Variants in TRAF3IP1 observed in about 807,000 individuals in gnomAD.
TRAF3IP1 encodes the protein intraflagellar transport 54.
A neutral mutation model predicts 89.9 loss-of-function variants in TRAF3IP1; 53 were observed. That is an observed-to-expected ratio of 0.59 (90% CI 0.47 to 0.74). The LOEUF (loss-of-function observed/expected upper bound fraction) is 0.74, where lower values mean the gene tolerates loss of function less well. TRAF3IP1 is among the 30% of genes least tolerant of loss of function. TRAF3IP1 has a pLI of 0.00. For synonymous variants in TRAF3IP1, 311 were observed against 322.1 expected (o/e 0.97, Z 0.37); for missense variants, 806 against 866.1 (o/e 0.93, Z 0.87).
chr2:238,394,625 G>A (rs1701133043), intron 15 of TRAF3IP1, among the ~76,000 whole-genome samples: 1 of 152,120 alleles, frequency 6.6e-6, no homozygotes, highest in Non-Finnish European at 1.5e-5. Flanking sequence ...ATTTTCATAT[G>A]CTCATCTTGT....
At chr2:238,328,519 T>C (rs1373716222) in intron 3 of TRAF3IP1, among the ~76,000 whole-genome samples, 167 bp from the exon 4 acceptor site, 1 of 152,238 alleles carries the variant, frequency 6.6e-6, no homozygotes, top group East Asian at 1.9e-4. Context: ...AGATATGCTG[T>C]GCTTTGTATG....
chr2:238,333,390 G>A (rs758532046), intron 6 of TRAF3IP1, among the ~76,000 whole-genome samples: 2 of 152,152 alleles, frequency 1.3e-5, no homozygotes, highest in Non-Finnish European at 1.5e-5. Flanking sequence ...AGCAGTAGGG[G>A]CCACTGAGAG....
chr2:238,386,944 C>G (rs1700798451), intron 15 of TRAF3IP1, among the ~76,000 whole-genome samples: 1 of 152,150 alleles, frequency 6.6e-6, no homozygotes, highest in South Asian at 2.1e-4. Context: ...TGCATTTTTT[C>G]TCCTATAGAA....
chr2:238,396,311 T>C (rs1045000583), intron 15 of TRAF3IP1, among the ~76,000 whole-genome samples: 14 of 136,402 alleles, frequency 1.0e-4, no homozygotes, highest in Middle Eastern at 4.4e-3. Context: ...TTCTCACTCA[T>C]AGGTGGGAAT....
chr2:238,361,816 C>T (rs1699673153), intron 15 of TRAF3IP1, among the ~76,000 whole-genome samples: 1 of 152,142 alleles, frequency 6.6e-6, no homozygotes. Flanking sequence ...TGACCGGAAT[C>T]GTATTGATCT....
At chr2:238,339,218 A>C (rs937942639) in intron 8 of TRAF3IP1, among the ~76,000 whole-genome samples, 11 of 152,096 alleles carry the variant, frequency 7.2e-5, no homozygotes, top group African/African-American at 1.9e-4. Context: ...CGCACTTGGT[A>C]CAGCAGCCGC....
At position 238,351,680 on chromosome 2, in the gene TRAF3IP1, GGC is replaced by G. The variant is rs2106325213; in HGVS notation, c.1452-1145_1452-1144del. ...GCGGGTTCGAAGTGAGGTTGGTCCT[GGC>G]GGAGCCACACAGGTGGTTGTTGAGT... On this transcript the variant is annotated intron_variant, in intron 12 of 16. Transcript: ENST00000373327. This position sits in a 1 kb window ranked among gnomAD's most constrained non-coding sequence, Gnocchi z 5.2. 6.6e-6 allele frequency among the ~76,000 whole-genome samples: 1 copy of G among 152,274 alleles called. No individual in the cohort carries two copies. The highest frequency in any genetic ancestry group is 6.5e-5 in the Admixed American group (1 of 15,300).
intron 6 of TRAF3IP1, 40 bp from the exon 7 acceptor site, chr2:238,333,920 A>AAT: frequency 1.3e-6 from 2 of 1,495,298 alleles, no homozygotes; most frequent in Non-Finnish European, 1.8e-6. Context: ...ACTGCTGTGT[A>AAT]ATACATCAAT....
rs539717264 is a variant in TRAF3IP1 at position 238,351,906 on chromosome 2, C to T, written c.1452-921C>T. ...GTGCGTGCATGTGCTTGTGTGTATG[C>T]GTGTGTGTGTGTGTGTGTGTGTATG... On this transcript the variant is annotated intron_variant, in intron 12 of 16. Coordinates refer to ENST00000373327, the MANE Select transcript of TRAF3IP1 (RefSeq NM_015650.4). This position sits in a 1 kb window ranked among gnomAD's most constrained non-coding sequence, Gnocchi z 5.2. 3.0e-3 allele frequency among the ~76,000 whole-genome samples: 432 copies of T among 144,192 alleles called. 2 individuals carry two copies. The highest frequency in any genetic ancestry group is 0.01 in the African/African-American group (408 of 39,040). The allele number at this position is 144,192 out of a possible 152,430, so 94.6% of individuals were successfully genotyped here.
chr2:238,392,041 G>A (rs574919029), intron 15 of TRAF3IP1, among the ~76,000 whole-genome samples: 7 of 152,176 alleles, frequency 4.6e-5, no homozygotes, highest in East Asian at 3.9e-4. Flanking sequence ...GAAATTAAAC[G>A]TTTGATATAA....
intron 12 of TRAF3IP1, among the ~76,000 whole-genome samples, chr2:238,350,038 T>G (rs1335413590): frequency 1.3e-5 from 2 of 151,862 alleles, no homozygotes; most frequent in Non-Finnish European, 2.9e-5. Flanking sequence ...ACTGCTGTAC[T>G]CCAGCCTGGG....
chr2:238,360,392 C>T (rs972062473), intron 15 of TRAF3IP1, among the ~76,000 whole-genome samples: 2 of 151,928 alleles, frequency 1.3e-5, no homozygotes, highest in Non-Finnish European at 2.9e-5. Flanking sequence ...TCTGGGAGGC[C>T]GAAATGTGAG....
chr2:238,378,479 C>T (rs1700411804), intron 15 of TRAF3IP1, among the ~76,000 whole-genome samples: 1 of 152,192 alleles, frequency 6.6e-6, no homozygotes, highest in Admixed American at 6.5e-5. Context: ...TAATGTTGAA[C>T]AGTTCTTACA....
At position 238,328,637 on chromosome 2, in the gene TRAF3IP1, C is replaced by T. The variant is rs149058975; in HGVS notation, c.355-49C>T. The stretch of plus-strand genomic sequence containing the variant: ...GGCGATGTTCTATTTGTTACGTGTG[C>T]GGATCTCATTTCACCTAACACCTCA... On this transcript the variant is annotated intron_variant, in intron 3 of 16. Transcript: ENST00000373327. The T allele has an allele frequency of 5.4e-4, 854 of 1,584,876 alleles. 2 individuals carry two copies. In the African/African-American group the frequency reaches 8.6e-3, roughly 16 times the overall value.
chr2:238,330,071 C>G (rs545907582), intron 5 of TRAF3IP1, among the ~76,000 whole-genome samples: 1 of 152,146 alleles, frequency 6.6e-6, no homozygotes, highest in African/African-American at 2.4e-5. Flanking sequence ...TCGTTTGTGT[C>G]ATTTGTGTCA....
At chr2:238,376,167 G>C (rs1184701833) in intron 15 of TRAF3IP1, among the ~76,000 whole-genome samples, 1 of 152,202 alleles carries the variant, frequency 6.6e-6, no homozygotes, top group South Asian at 2.1e-4. Flanking sequence ...ATGCATGAGC[G>C]TGGCTGGTTT....
At chr2:238,385,017 T>C (rs1459787539) in intron 15 of TRAF3IP1, among the ~76,000 whole-genome samples, 1 of 152,078 alleles carries the variant, frequency 6.6e-6, no homozygotes, top group East Asian at 1.9e-4. Flanking sequence ...TTTTTCTTTC[T>C]TTCTTTATTT....
At chr2:238,381,763 C>A (rs139285182) in intron 15 of TRAF3IP1, among the ~76,000 whole-genome samples, 7 of 152,156 alleles carry the variant, frequency 4.6e-5, no homozygotes, top group Non-Finnish European at 1.0e-4. Flanking sequence ...GCAGAACTGA[C>A]GGGGACCTTT....
chr2:238,348,689 T>A, intron 10 of TRAF3IP1, 75 bp from the exon 11 acceptor site: 1 of 1,292,736 alleles, frequency 7.7e-7, no homozygotes, highest in Non-Finnish European at 1.1e-6. Context: ...CAAATACAGA[T>A]GCAAATAGTA....
Sources: allele counts gnomAD v4.1 joint callset (sites outside exome capture counted in the v4.1 genomes callset), GRCh38; gene constraint gnomAD v4.1.1; non-coding constraint Gnocchi (gnomAD v3.1); transcripts MANE v1.5; gene names NCBI Gene and HGNC (gene_info 2026-07-23, HGNC 2026-07-21).